ADAR: variants seen among roughly 807,000 people sequenced by gnomAD.
The protein encoded by ADAR is adenosine deaminase RNA specific.
ADAR carries 41 observed loss-of-function variants against 113.2 expected under a neutral mutation model. The ratio of observed to expected loss-of-function variants is 0.36; its 90% CI spans 0.28 to 0.47. The LOEUF (loss-of-function observed/expected upper bound fraction) is 0.47, where lower values mean the gene tolerates loss of function less well. ADAR is among the 20% of genes least tolerant of loss of function. ADAR has a pLI of 1.00. For synonymous variants in ADAR, 605 were observed against 572.6 expected (o/e 1.06, Z -0.81); for missense variants, 1,242 against 1,540.9 (o/e 0.81, Z 3.25).
chr1:154,588,303 G>A, intron 10 of ADAR, 45 bp from the exon 11 acceptor site: 1 of 1,613,844 alleles, frequency 6.2e-7, no homozygotes. Flanking sequence ...TGGGAAATCT[G>A]CAATTTCGTG....
intron 2 of ADAR, chr1:154,600,501 T>TC (rs2101635159): frequency 6.4e-6 from 1 of 156,238 alleles, no homozygotes; most frequent in Admixed American, 6.2e-5. Flanking sequence ...TGAGATGGAG[T>TC]CTTGCTCTGT....
At chr1:154,596,777 A>G (rs1218634606) in intron 6 of ADAR, 28 bp downstream of exon 6, 3 of 1,611,636 alleles carry the variant, frequency 1.9e-6, no homozygotes, top group East Asian at 2.2e-5. Context: ...CTGGTGACAC[A>G]TGCATTAGCC....
Position 154,607,060 on chromosome 1 carries a change from G to C in ADAR, c.15+932C>G, listed in dbSNP as rs6669764. Among the ~76,000 whole-genome samples, 314 of 151,910 alleles carry C rather than the reference G, an allele frequency of 2.1e-3. 1 individual carries two copies. Among genetic ancestry groups the C allele is most frequent in the African/African-American group, 7.2e-3 (299 of 41,420 alleles). On this transcript the variant is annotated intron_variant, in intron 1 of 14. Coordinates refer to ENST00000368474, the MANE Select transcript of ADAR (RefSeq NM_001111.5). ...CAATCGCCACCACAATCAAGATATA[G>C]AACATTTCTATTTCCCTAAAAAGCT...
intron 8 of ADAR, 61 bp from the exon 9 acceptor site, chr1:154,589,523 A>C (rs958710791): frequency 2.2e-5 from 33 of 1,467,226 alleles, no homozygotes; most frequent in African/African-American, 4.2e-5. Flanking sequence ...AAACAGGATG[A>C]AGGCTATTTG....
Position 154,602,124 on chromosome 1 carries a change from T to A in ADAR, c.518A>T (p.Asn173Ile). The change falls in exon 2 of 15, where the codon AAT becomes ATT. Residue 173 changes from asparagine to isoleucine, a missense_variant. By Grantham distance (149) the Asn-to-Ile change is moderately radical (BLOSUM62 -3). Transcript: ENST00000368474. Reference sequence around the variant, plus strand: ...CTTTGCCAGGGAGTATAAAACTCGATTGATTTCTTTCTTCGGAGTCCCAAG... The same window carrying A: ...CTTTGCCAGGGAGTATAAAACTCGAATGATTTCTTTCTTCGGAGTCCCAAG... ...GKLGTPKKEI[N>I]RVLYSLAKKG... The A allele has an allele frequency of 3.1e-6, 5 of 1,614,224 alleles. No individual in the cohort carries two copies. The highest frequency in any genetic ancestry group is 2.5e-6 in the Non-Finnish European group (3 of 1,180,034).
At chr1:154,589,694 G>A (rs1696995807) in intron 8 of ADAR, 63 bp downstream of exon 8, 2 of 1,596,534 alleles carry the variant, frequency 1.3e-6, no homozygotes, top group East Asian at 2.2e-5. Context: ...GACTCCAGGG[G>A]AGGATGAGAG....
At chr1:154,585,927 A>G in intron 12 of ADAR, 62 bp from the exon 13 acceptor site, 1 of 1,457,376 alleles carries the variant, frequency 6.9e-7, no homozygotes, top group Non-Finnish European at 9.5e-7. Context: ...TAAGAGGCAG[A>G]AGCATGTGGG....
rs1697896355 is a variant in ADAR at position 154,601,766 on chromosome 1, C to G, written c.876G>C (p.Glu292Asp). The part of the protein sequence containing the change: ...NSTSALEDPL[E>D]FLDMAEIKEK... ...CCTTGATCTCGGCCATGTCTAAAAA[C>G]TCAAGAGGATCTTCCAAGGCAGATG... The change falls in exon 2 of 15, where the codon GAG becomes GAC. Residue 292 changes from glutamate to aspartate, a missense_variant. Physicochemically the swap from Glu to Asp is conservative, Grantham distance 45. Around this residue, in one of 2 missense-constraint regions of ADAR, gnomAD observed 462 missense variants for 483.1 expected, o/e 0.96. Transcript: ENST00000368474. This position sits in a 1 kb window ranked among gnomAD's most constrained non-coding sequence, Gnocchi z 4.7. The G allele has an allele frequency of 6.2e-7, 1 of 1,614,132 alleles. No homozygotes were observed. Among genetic ancestry groups the G allele is most frequent in the South Asian group, 1.1e-5 (1 of 91,086 alleles).
intron 11 of ADAR, among the ~76,000 whole-genome samples, chr1:154,587,654 T>C (rs555849998): frequency 6.8e-4 from 104 of 152,206 alleles, no homozygotes; most frequent in Middle Eastern, 3.4e-3. Flanking sequence ...CAGGAGAGGA[T>C]AGGAGAGAAG....
intron 1 of ADAR, among the ~76,000 whole-genome samples, chr1:154,606,831 C>G (rs2101662815): frequency 6.6e-6 from 1 of 152,060 alleles, no homozygotes; most frequent in African/African-American, 2.4e-5. Flanking sequence ...AAGCACTACC[C>G]CCTTTGCCTT....
chr1:154,617,744 T>A (rs1289246084), intron 1 of ADAR, among the ~76,000 whole-genome samples: 1 of 152,204 alleles, frequency 6.6e-6, no homozygotes, highest in East Asian at 1.9e-4. Context: ...TGTTATTAAA[T>A]CAATAGCAAG....
intron 1 of ADAR, among the ~76,000 whole-genome samples, chr1:154,605,436 A>ATTT (rs35160350): frequency 2.2e-4 from 33 of 147,044 alleles, no homozygotes; most frequent in Non-Finnish European, 3.0e-4. Flanking sequence ...GAGCTACTGG[A>ATTT]TTTTTTTTTT....
chr1:154,595,543 AGAATT>A (rs1164023591), intron 6 of ADAR, among the ~76,000 whole-genome samples: 2 of 152,236 alleles, frequency 1.3e-5, no homozygotes, highest in South Asian at 2.1e-4. Context: ...AAAAGACTAT[AGAATT>A]AAGGATATAA....
chr1:154,626,955 G>A (rs898187842), intron 1 of ADAR, among the ~76,000 whole-genome samples: 29 of 152,144 alleles, frequency 1.9e-4, no homozygotes, highest in African/African-American at 7.0e-4. Flanking sequence ...ACAGTTTGAC[G>A]CCCCTGCCTT....
intron 1 of ADAR, among the ~76,000 whole-genome samples, chr1:154,607,746 C>G (rs916647100): frequency 2.0e-5 from 3 of 151,656 alleles, no homozygotes; most frequent in African/African-American, 7.3e-5. Flanking sequence ...CACACACACA[C>G]ACACACTCTC....
intron 1 of ADAR, among the ~76,000 whole-genome samples, chr1:154,619,748 C>A (rs1698737401): frequency 6.6e-6 from 1 of 152,160 alleles, no homozygotes; most frequent in Non-Finnish European, 1.5e-5. Flanking sequence ...CAATGGGATG[C>A]CGCTTCACAG....
At chr1:154,599,957 G>C (rs949934760) in intron 2 of ADAR, among the ~76,000 whole-genome samples, 5 of 152,194 alleles carry the variant, frequency 3.3e-5, no homozygotes, top group African/African-American at 1.2e-4. Context: ...TATGCAGAGG[G>C]GGGATTGTGG....
Position 154,585,327 on chromosome 1 carries a change from T to C in ADAR, c.3333A>G (p.Ile1111Met). 1 of 1,614,148 alleles carries C rather than the reference T, an allele frequency of 6.2e-7. No homozygotes were observed. The highest frequency in any genetic ancestry group is 2.2e-5 in the East Asian group (1 of 44,888). ...VNHPKVGRVS[I>M]YDSKRQSGKT... ...TCCCGGATTGCCTTTTGGAATCATA[T>C]ATGCTGACTCTGCCAACCTAGGAAT... The change falls in exon 14 of 15, where the codon ATA becomes ATG. Residue 1111 changes from isoleucine (I) to methionine (M), a missense_variant. Transcript: ENST00000368474.
At chr1:154,588,475 G>A in intron 10 of ADAR, 76 bp downstream of exon 10, 1 of 1,594,034 alleles carries the variant, frequency 6.3e-7, no homozygotes, top group Non-Finnish European at 8.6e-7. Flanking sequence ...CGATTTACAG[G>A]CCAGGAGAGC....
Sources: gnomAD v4.1 joint callset for allele counts (sites outside exome capture counted in the v4.1 genomes callset) on GRCh38, gnomAD v4.1.1 for gene constraint, gnomAD v4.1.1 regional missense constraint, Gnocchi (gnomAD v3.1) non-coding constraint, MANE v1.5 for transcripts, NCBI Gene and HGNC (gene_info 2026-07-23, HGNC 2026-07-21) for gene names.